Variants in CACNB3 observed in about 807,000 individuals in gnomAD.
The protein encoded by CACNB3 is voltage-dependent L-type calcium channel subunit beta-3.
A neutral mutation model predicts 63.7 loss-of-function variants in CACNB3; 36 were observed. That is an observed-to-expected ratio of 0.57 (90% confidence interval 0.43 to 0.75). The LOEUF is 0.75. Among genes scored for constraint, CACNB3 ranks in the 30% least tolerant of loss-of-function variants. The pLI, the probability that CACNB3 is intolerant of heterozygous loss-of-function variation, is 0.00. For synonymous variants in CACNB3, 241 were observed against 250.6 expected (o/e 0.96, Z 0.36); for missense variants, 493 against 648.6 (o/e 0.76, Z 2.61).
chr12:48,816,384 T>G (rs1942288804), upstream of CACNB3, among the ~76,000 whole-genome samples: 1 of 152,184 alleles, frequency 6.6e-6, no homozygotes, highest in Admixed American at 6.5e-5. Context: ...CCCTGATCCT[T>G]TATTGCCCTC....
rs975731181 is a variant in CACNB3 at position 48,824,694 on chromosome 12, A to G, written c.433A>G (p.Ser145Gly). Residue 145 changes from serine to glycine, a missense_variant, in exon 5 of 13, where the codon AGT becomes GGT. Ser to Gly is a moderately conservative substitution (Grantham distance 56, BLOSUM62 0). Coordinates refer to ENST00000301050, the MANE Select transcript of CACNB3 (RefSeq NM_000725.4). ...GAGATCTGGGAACCCTTCCAGCCTGAGTGACATTGGCAACCGACGCTCCCC... is the reference window on the plus strand; with the variant it reads ...GAGATCTGGGAACCCTTCCAGCCTGGGTGACATTGGCAACCGACGCTCCCC... ...ARRSGNPSSL[S>G]DIGNRRSPPP... 1 of 1,613,516 alleles carries G rather than the reference A, an allele frequency of 6.2e-7. No homozygotes were observed. Among genetic ancestry groups the G allele is most frequent in the Admixed American group, 1.7e-5 (1 of 59,960 alleles).
Position 48,825,300 on chromosome 12 carries a change from T to C in CACNB3, c.573+57T>C. The C allele has an allele frequency of 6.3e-7, 1 of 1,588,420 alleles. No homozygotes were observed. The highest frequency in any genetic ancestry group is 8.6e-7 in the Non-Finnish European group (1 of 1,157,934). On this transcript the variant is annotated intron_variant, in intron 7 of 12. Transcript: ENST00000301050. This position sits in a 1 kb window ranked among gnomAD's most constrained non-coding sequence, Gnocchi z 4.5. ...CCTCTACCAAGCCTGCCACAGGAAG[T>C]CCCTAGGGAAAGTGGAAGGGGTGTG...
Position 48,827,134 on chromosome 12 carries a change from C to CGGG in CACNB3, c.1140+11_1140+12insGGG. ...ATCCCCGGACTTCAGGTAACCATTT[C>CGGG]CAGTGGGCAGAGATGCTCAAGCTAA... On this transcript the variant is annotated intron_variant, in intron 12 of 12. Transcript: ENST00000301050. 3 of 1,611,632 alleles carry CGGG rather than the reference C, an allele frequency of 1.9e-6. No individual in the cohort carries two copies. The highest frequency in any genetic ancestry group is 2.5e-6 in the Non-Finnish European group (3 of 1,179,864).
At chr12:48,827,470 T>C in intron 12 of CACNB3, 115 bp from the exon 13 acceptor site, 1 of 1,033,286 alleles carries the variant, frequency 9.7e-7, no homozygotes. Flanking sequence ...GCTTTTTCCT[T>C]GCACTATTTC....
rs1938119816 is a variant in CACNB3, at chr12:48,826,025, C to T, written c.742+256C>T. Among the ~76,000 whole-genome samples the T allele has an allele frequency of 6.6e-6, 1 of 152,096 alleles. No individual in the cohort carries two copies. The highest frequency in any genetic ancestry group is 1.5e-5 in the Non-Finnish European group (1 of 68,006). ...TGCATTTTTAGTAGACGTGGGGTTT[C>T]ACCATGTTGGCCAGGCTGGTCTCGA... On this transcript the variant is annotated intron_variant, in intron 9 of 12. Coordinates refer to ENST00000301050, the MANE Select transcript of CACNB3 (RefSeq NM_000725.4). The surrounding 1 kb of genome is among the most constrained non-coding windows in gnomAD (Gnocchi z 4.8).
At chr12:48,815,645 G>A (rs1288772186), upstream of CACNB3, 1 of 1,513,140 alleles carries the variant, frequency 6.6e-7, no homozygotes. Flanking sequence ...CCGCCTCGGA[G>A]CCCCTGGCCC....
chr12:48,826,716 A>G lies in CACNB3; in HGVS notation c.895-43A>G. ...TCTGCCCGGGCTCAGCTCTGCCCAGAGTCCTGAGAGACTCCAGGCCTAGCT... is the reference window on the plus strand; with the variant it reads ...TCTGCCCGGGCTCAGCTCTGCCCAGGGTCCTGAGAGACTCCAGGCCTAGCT... On this transcript the variant is annotated intron_variant, in intron 10 of 12. Coordinates refer to ENST00000301050, the MANE Select transcript of CACNB3 (RefSeq NM_000725.4). This position sits in a 1 kb window ranked among gnomAD's most constrained non-coding sequence, Gnocchi z 4.8. The G allele has an allele frequency of 6.5e-7, 1 of 1,549,512 alleles. No homozygotes were observed. Among genetic ancestry groups the G allele is most frequent in the Non-Finnish European group, 8.9e-7 (1 of 1,121,368 alleles).
chr12:48,824,542 T>C (rs1938023739), intron 4 of CACNB3, 127 bp from the exon 5 acceptor site: 2 of 1,065,912 alleles, frequency 1.9e-6, no homozygotes, highest in African/African-American at 3.1e-5. Flanking sequence ...CACACACATA[T>C]TGCATGTACA....
chr12:48,826,268 C>A lies in CACNB3; in HGVS notation c.743-99C>A. 8.0e-7 allele frequency: 1 copy of A among 1,249,124 alleles called. No individual in the cohort carries two copies. Among genetic ancestry groups the A allele is most frequent in the Non-Finnish European group, 1.1e-6 (1 of 871,918 alleles). The allele number at this position is 1,249,124 out of a possible 1,614,324, so 77.4% of individuals were successfully genotyped here. A position where few individuals can be genotyped will look rare whatever the true frequency, so the allele number is the denominator to read the frequency against. On this transcript the variant is annotated intron_variant, in intron 9 of 12. Transcript: ENST00000301050. This position sits in a 1 kb window ranked among gnomAD's most constrained non-coding sequence, Gnocchi z 4.8. The stretch of plus-strand genomic sequence containing the variant: ...AGGCTTCGATGAATGCCCTTTTCCT[C>A]CAATTCCTTCCTGTCCACCATTCGG...
In CACNB3 at chr12:48,826,920, TG is replaced by T; in HGVS notation, c.991-48del. 1 of 1,612,942 alleles carries T rather than the reference TG, an allele frequency of 6.2e-7. No homozygotes were observed. The highest frequency in any genetic ancestry group is 1.1e-5 in the South Asian group (1 of 91,006). Reference sequence around the variant, plus strand: ...GGGCTGCGGCAGTGATAGAGATGGGTGGGGGGCTGCTACTGAGGGGAAACCA... The same window carrying T: ...GGGCTGCGGCAGTGATAGAGATGGGTGGGGGCTGCTACTGAGGGGAAACCA... On this transcript the variant is annotated intron_variant, in intron 11 of 12. Coordinates refer to ENST00000301050, the MANE Select transcript of CACNB3 (RefSeq NM_000725.4). This position sits in a 1 kb window ranked among gnomAD's most constrained non-coding sequence, Gnocchi z 4.8.
chr12:48,823,941 C>G lies in CACNB3; in HGVS notation c.291+138C>G. 1 of 1,084,356 alleles carries G rather than the reference C, an allele frequency of 9.2e-7. No individual in the cohort carries two copies. The highest frequency in any genetic ancestry group is 2.5e-5 in the East Asian group (1 of 40,426). 67.2% of individuals were successfully genotyped at this position (1,084,356 alleles called of 1,614,324 possible). ...TTCTCCTTAACACACACCTGTCCAC[C>G]CCTCATATCTAAGATCTCATCCCCA... is the stretch of plus-strand genomic sequence containing the variant. On this transcript the variant is annotated intron_variant, in intron 3 of 12. Transcript: ENST00000301050. The surrounding 1 kb of genome is among the most constrained non-coding windows in gnomAD (Gnocchi z 4.2).
At chr12:48,818,040 T>G (rs1942327470), upstream of CACNB3, 1 of 152,376 alleles carries the variant, frequency 6.6e-6, no homozygotes, top group African/African-American at 2.4e-5. The surrounding 1 kb of genome is among the most constrained non-coding windows in gnomAD (Gnocchi z 4.3). Context: ...TGCCGCAGCG[T>G]CCCCGTACTG....
upstream of CACNB3, among the ~76,000 whole-genome samples, chr12:48,818,162 A>ACG (rs1007814829): frequency 6.6e-6 from 1 of 151,960 alleles, no homozygotes; most frequent in African/African-American, 2.4e-5. The surrounding 1 kb of genome is among the most constrained non-coding windows in gnomAD (Gnocchi z 4.3). Flanking sequence ...AGCCTCCGGG[A>ACG]CGCACGGGCC....
At position 48,828,493 on chromosome 12, in the gene CACNB3, G is replaced by A; in HGVS notation, c.*594G>A. 1 of 360,466 alleles carries A rather than the reference G, an allele frequency of 2.8e-6. No individual in the cohort carries two copies. The highest frequency in any genetic ancestry group is 5.5e-6 in the Non-Finnish European group (1 of 182,022). The allele number at this position is 360,466 out of a possible 1,614,324, so 22.3% of individuals were successfully genotyped here. ...GGAGCAGCAGGCTGGCCACGCTCGGGCCAGAGAGAGCTCACAGCTGAAGCT... is the reference window on the plus strand; with the variant it reads ...GGAGCAGCAGGCTGGCCACGCTCGGACCAGAGAGAGCTCACAGCTGAAGCT... On this transcript the variant is annotated 3_prime_UTR_variant, in exon 13 of 13. Transcript: ENST00000301050.
In CACNB3 at chr12:48,823,593, A is replaced by C; in HGVS notation, c.169-88A>C. The C allele has an allele frequency of 6.2e-7, 1 of 1,605,952 alleles. No individual in the cohort carries two copies. Among genetic ancestry groups the C allele is most frequent in the Non-Finnish European group, 8.5e-7 (1 of 1,175,388 alleles). On this transcript the variant is annotated intron_variant, in intron 2 of 12. Coordinates refer to ENST00000301050, the MANE Select transcript of CACNB3 (RefSeq NM_000725.4). This position sits in a 1 kb window ranked among gnomAD's most constrained non-coding sequence, Gnocchi z 4.2. ...GTGAGAGGGTGTGTGTGATGGGCAG[A>C]GGCCACGGCCTTCTGCTGTTGGGGC...
intron 1 of CACNB3, chr12:48,821,538 C>T (rs1169060039): frequency 1.3e-5 from 2 of 152,168 alleles, no homozygotes; most frequent in African/African-American, 2.4e-5. Context: ...GCCTGGAGCA[C>T]AGGCAGAAAA....
Position 48,826,631 on chromosome 12 carries a change from A to T in CACNB3, c.894+113A>T. ...TGAGTTCCCTTTTCCTGCTGCCCTT[A>T]ACACAACTCTGAGTCATCCTCACCT... is the stretch of plus-strand genomic sequence containing the variant. On this transcript the variant is annotated intron_variant, in intron 10 of 12. Transcript: ENST00000301050. This position sits in a 1 kb window ranked among gnomAD's most constrained non-coding sequence, Gnocchi z 4.8. 3.4e-6 allele frequency: 5 copies of T among 1,456,542 alleles called. No homozygotes were observed. The South Asian group carries it at 5.8e-5, about 17-fold the overall frequency. 90.2% of individuals were successfully genotyped at this position (1,456,542 alleles called of 1,614,324 possible). A position where few individuals can be genotyped will look rare whatever the true frequency, so the allele number is the denominator to read the frequency against.
At position 48,826,865 on chromosome 12, in the gene CACNB3, G is replaced by A. The variant is rs1435188068; in HGVS notation, c.990+11G>A. On this transcript the variant is annotated intron_variant, in intron 11 of 12. Coordinates refer to ENST00000301050, the MANE Select transcript of CACNB3 (RefSeq NM_000725.4). The surrounding 1 kb of genome is among the most constrained non-coding windows in gnomAD (Gnocchi z 4.8). Reference sequence around the variant, plus strand: ...GTTCAGTGCCCACCGGTGAGTGCCTGGGTCAGCTGCTCCTGTGCCCACTCC... The same window carrying A: ...GTTCAGTGCCCACCGGTGAGTGCCTAGGTCAGCTGCTCCTGTGCCCACTCC... The A allele has an allele frequency of 3.7e-6, 6 of 1,613,290 alleles. No homozygotes were observed. Among genetic ancestry groups the A allele is most frequent in the Non-Finnish European group, 5.1e-6 (6 of 1,179,240 alleles).
intron 1 of CACNB3, among the ~76,000 whole-genome samples, chr12:48,822,451 C>T (rs1937898186): frequency 6.6e-6 from 1 of 152,180 alleles, no homozygotes; most frequent in African/African-American, 2.4e-5. Context: ...GCTCATGTTA[C>T]CCCCTCCCCA....
Sources: allele counts gnomAD v4.1 joint callset (sites outside exome capture counted in the v4.1 genomes callset), GRCh38; gene constraint gnomAD v4.1.1; non-coding constraint Gnocchi (gnomAD v3.1); transcripts MANE v1.5; gene names NCBI Gene and HGNC (gene_info 2026-07-23, HGNC 2026-07-21).